Variants in CNTN4 observed in about 807,000 individuals in gnomAD.
CNTN4 encodes contactin 4.
Under a neutral mutation model 122.5 loss-of-function variants are expected in CNTN4, and 77 were observed. The observed-to-expected ratio is 0.63, with a 90% CI of 0.52 to 0.76. The LOEUF (loss-of-function observed/expected upper bound fraction) is 0.76, where lower values mean the gene tolerates loss of function less well. Ranked by LOEUF, CNTN4 falls within the 30% of genes least tolerant of loss-of-function variation. The pLI is 0.00. For missense variants in CNTN4, 1,256 were observed against 1,259.1 expected (o/e 1.00, Z 0.04); for synonymous variants, 512 against 447.0 (o/e 1.15, Z -1.83).
chr3:2,706,960 G>T (rs1402343421), intron 4 of CNTN4, among the ~76,000 whole-genome samples: 3 of 151,836 alleles, frequency 2.0e-5, no homozygotes, highest in African/African-American at 7.3e-5. Flanking sequence ...GCATGGGGAA[G>T]CACTAGATTA....
intron 6 of CNTN4, among the ~76,000 whole-genome samples, chr3:2,816,269 G>T (rs1411744005): frequency 6.8e-6 from 1 of 148,142 alleles, no homozygotes; most frequent in Non-Finnish European, 1.5e-5. Flanking sequence ...CAGGAGAATG[G>T]CGTGAACCCA....
Position 3,053,972 on chromosome 3 carries a change from T to G in CNTN4, c.2977T>G (p.Ser993Ala), listed in dbSNP as rs1039547951. The G allele has an allele frequency of 1.2e-6, 2 of 1,614,146 alleles. No homozygotes were observed. Among genetic ancestry groups the G allele is most frequent in the South Asian group, 1.1e-5 (1 of 91,078 alleles). Residue 993 changes from serine to alanine, a missense_variant, in exon 24 of 25, where the codon TCA becomes GCA. Physicochemically the swap from Ser to Ala is moderately conservative, Grantham distance 99. Coordinates refer to ENST00000418658, the MANE Select transcript of CNTN4 (RefSeq NM_175607.3). ...TGAACAAATTCGAATTCCAAAGATA[T>G]CAAGTGAGAATGCCTTTTTTTCTCC... The part of the protein sequence containing the change: ...SSEQIRIPKI[S>A]NAYARGSGAS...
intron 23 of CNTN4, among the ~76,000 whole-genome samples, chr3:3,047,875 T>C (rs113608379): frequency 0.14 from 21,659 of 151,484 alleles, 1,604 homozygotes; most frequent in East Asian, 0.2. Flanking sequence ...ATTGATAGAC[T>C]GCTAGCAAGA....
intron 3 of CNTN4, among the ~76,000 whole-genome samples, chr3:2,355,309 CAAG>C (rs1005191875): frequency 9.2e-5 from 14 of 152,128 alleles, no homozygotes; most frequent in African/African-American, 3.4e-4. Context: ...ATGTTGATCT[CAAG>C]GAACTTTTGG....
intron 2 of CNTN4, among the ~76,000 whole-genome samples, chr3:2,334,233 T>C (rs189801207): frequency 2.0e-5 from 3 of 152,202 alleles, no homozygotes; most frequent in African/African-American, 7.2e-5. Flanking sequence ...TCTTGGCTCA[T>C]TGCAACCTCT....
intron 13 of CNTN4, 39 bp downstream of exon 13, chr3:2,925,818 T>TA (rs776866247): frequency 6.5e-7 from 1 of 1,547,060 alleles, no homozygotes; most frequent in Non-Finnish European, 8.9e-7. Flanking sequence ...GGTTAACCTG[T>TA]AAAAATGTGT....
intron 2 of CNTN4, among the ~76,000 whole-genome samples, chr3:2,208,324 G>A (rs923880923): frequency 2.0e-5 from 3 of 152,158 alleles, no homozygotes; most frequent in Non-Finnish European, 4.4e-5. Flanking sequence ...CAAGATTTCA[G>A]TGCAGGAAGT....
At chr3:3,045,379 C>T (rs373614235) in intron 23 of CNTN4, among the ~76,000 whole-genome samples, 3 of 152,336 alleles carry the variant, frequency 2.0e-5, no homozygotes, top group Non-Finnish European at 2.9e-5. Context: ...AGGTACCCCC[C>T]AGTAGGGGCA....
intron 4 of CNTN4, among the ~76,000 whole-genome samples, chr3:2,579,026 G>A (rs970054346): frequency 1.3e-5 from 2 of 152,158 alleles, no homozygotes; most frequent in African/African-American, 4.8e-5. Context: ...AACTGGCAGC[G>A]ATTTTATATC....
At chr3:2,225,160 C>CCCCA (rs10632045) in intron 2 of CNTN4, among the ~76,000 whole-genome samples, 1 of 149,142 alleles carries the variant, frequency 6.7e-6, no homozygotes, top group African/African-American at 2.5e-5. Context: ...CCACCACCCC[C>CCCCA]AAAAAAAAAG....
intron 2 of CNTN4, among the ~76,000 whole-genome samples, chr3:2,112,758 T>C (rs1051992168): frequency 6.6e-6 from 1 of 151,590 alleles, no homozygotes; most frequent in Non-Finnish European, 1.5e-5. Flanking sequence ...CTGTTTTCCA[T>C]TGTGTTTTAC....
chr3:2,960,542 G>A (rs1358902952), intron 13 of CNTN4, among the ~76,000 whole-genome samples: 1 of 152,180 alleles, frequency 6.6e-6, no homozygotes, highest in Non-Finnish European at 1.5e-5. Context: ...AGGGGAATGT[G>A]TACTTTAATA....
Position 2,347,881 on chromosome 3 carries a change from T to C in CNTN4, c.-89+8648T>C, listed in dbSNP as rs564841585. 3.6e-4 allele frequency among the ~76,000 whole-genome samples: 55 copies of C among 152,248 alleles called. No individual in the cohort carries two copies. The South Asian group carries it at 0.011, about 32-fold the overall frequency. On this transcript the variant is annotated intron_variant, in intron 3 of 24. Coordinates refer to ENST00000418658, the MANE Select transcript of CNTN4 (RefSeq NM_175607.3). The stretch of plus-strand genomic sequence containing the variant: ...TTTTTTAAGTCATGTTTTCTTGCTT[T>C]ATCATGGATTCAGTTCCTTTTTATT...
At chr3:2,728,386 C>T (rs561004234) in intron 4 of CNTN4, among the ~76,000 whole-genome samples, 2 of 152,260 alleles carry the variant, frequency 1.3e-5, no homozygotes, top group African/African-American at 2.4e-5. Flanking sequence ...CTACGTGTGC[C>T]CTTCTTGGAA....
At chr3:2,815,687 G>A (rs1181948172) in intron 6 of CNTN4, among the ~76,000 whole-genome samples, 2 of 152,032 alleles carry the variant, frequency 1.3e-5, no homozygotes, top group African/African-American at 4.8e-5. Flanking sequence ...ATTCCTTAAA[G>A]AACTAAAAGT....
At chr3:3,017,098 AG>A (rs1237782704) in intron 14 of CNTN4, among the ~76,000 whole-genome samples, 2 of 152,160 alleles carry the variant, frequency 1.3e-5, no homozygotes, top group African/African-American at 4.8e-5. Flanking sequence ...GCCACCTAAA[AG>A]GGCAGACTTC....
chr3:2,866,642 A>G, intron 7 of CNTN4, 110 bp from the exon 8 acceptor site: 1 of 1,248,804 alleles, frequency 8.0e-7, no homozygotes, highest in Non-Finnish European at 1.2e-6. Context: ...GCTGAAAAAG[A>G]GTCATTGGAC....
At position 2,335,228 on chromosome 3, in the gene CNTN4, T is replaced by C. The variant is rs549152094; in HGVS notation, c.-144-3950T>C. On this transcript the variant is annotated intron_variant, in intron 2 of 24. Coordinates refer to ENST00000418658, the MANE Select transcript of CNTN4 (RefSeq NM_175607.3). ...ACATGTGATTTTATTTAGTTTATAA[T>C]AAAAACTTTAACTTAGGATAGCGGG... Among the ~76,000 whole-genome samples the C allele has an allele frequency of 1.2e-3, 178 of 152,222 alleles. 1 individual carries two copies. Among genetic ancestry groups the C allele is most frequent in the African/African-American group, 4.1e-3 (169 of 41,554 alleles).
At chr3:3,020,812 T>G (rs1698225370) in intron 14 of CNTN4, among the ~76,000 whole-genome samples, 1 of 152,258 alleles carries the variant, frequency 6.6e-6, no homozygotes, top group Admixed American at 6.5e-5. Flanking sequence ...TCTCTCCTAA[T>G]TTACCTTTCT....
Sources: gnomAD v4.1 joint callset for allele counts (sites outside exome capture counted in the v4.1 genomes callset) on GRCh38, gnomAD v4.1.1 for gene constraint, MANE v1.5 for transcripts, NCBI Gene and HGNC (gene_info 2026-07-23, HGNC 2026-07-21) for gene names.